Variants in MIOS observed in about 807,000 individuals in gnomAD.
The protein encoded by MIOS is meiosis regulator for oocyte development.
A neutral mutation model predicts 96.9 loss-of-function variants in MIOS; 52 were observed. That is an observed-to-expected ratio of 0.54 (90% CI 0.43 to 0.68). The LOEUF (loss-of-function observed/expected upper bound fraction) is 0.68, where lower values mean the gene tolerates loss of function less well. Ranked by LOEUF, MIOS falls within the 30% of genes least tolerant of loss-of-function variation. The pLI is 0.00. For missense variants in MIOS, 1,005 were observed against 1,052.8 expected, an observed-to-expected ratio of 0.95 and a Z score of 0.63; for synonymous variants, 397 against 359.5, an observed-to-expected ratio of 1.10 and a Z score of -1.18.
intron 9 of MIOS, among the ~76,000 whole-genome samples, chr7:7,594,179 A>C (rs1361043020): frequency 6.6e-6 from 1 of 152,220 alleles, no homozygotes; most frequent in Admixed American, 6.5e-5. Flanking sequence ...AAGAGTAAGA[A>C]TAGACAGGTT....
intron 9 of MIOS, among the ~76,000 whole-genome samples, chr7:7,592,991 A>G (rs752849024): frequency 6.6e-6 from 1 of 152,138 alleles, no homozygotes; most frequent in African/African-American, 2.4e-5. Context: ...GTCAGACTCA[A>G]TCTCTGAACT....
chr7:7,573,793 G>T lies in MIOS; in HGVS notation c.1294+24G>T, dbSNP rs767213718. 2 of 1,540,706 alleles carry T rather than the reference G, an allele frequency of 1.3e-6. No individual in the cohort carries two copies. Among genetic ancestry groups the T allele is most frequent in the Admixed American group, 4.2e-5 (2 of 47,692 alleles). On this transcript the variant is annotated intron_variant, in intron 4 of 12. Coordinates refer to ENST00000340080, the MANE Select transcript of MIOS (RefSeq NM_019005.4). This position sits in a 1 kb window ranked among gnomAD's most constrained non-coding sequence, Gnocchi z 5.0. Reference sequence around the variant, plus strand: ...CTATATCCTTTTCATTGTGAATTTTGTGAGGTGAATCAGGTAGAAATGTTC... The same window carrying T: ...CTATATCCTTTTCATTGTGAATTTTTTGAGGTGAATCAGGTAGAAATGTTC...
In MIOS at chr7:7,572,363, C is replaced by A; in HGVS notation, c.-40-73C>A. ...CTTGAATAGAGAATTTTCTGACTTT[C>A]TGAATAGTTTATTCAACGTAAGAAT... is the stretch of plus-strand genomic sequence containing the variant. On this transcript the variant is annotated intron_variant, in intron 3 of 12. Transcript: ENST00000340080. This position sits in a 1 kb window ranked among gnomAD's most constrained non-coding sequence, Gnocchi z 4.8. 1 of 721,970 alleles carries A rather than the reference C, an allele frequency of 1.4e-6. No homozygotes were observed. Among genetic ancestry groups the A allele is most frequent in the South Asian group, 3.0e-5 (1 of 33,462 alleles). The allele number at this position is 721,970 out of a possible 1,614,324, so 44.7% of individuals were successfully genotyped here. A position where few individuals can be genotyped will look rare whatever the true frequency, so the allele number is the denominator to read the frequency against.
chr7:7,568,000 G>A (rs1783203139), intron 2 of MIOS, 26 bp from the exon 3 acceptor site: 2 of 148,448 alleles, frequency 1.3e-5, no homozygotes, highest in Admixed American at 1.3e-4. Flanking sequence ...AAATCATATG[G>A]CTCACACTGT....
rs190793228 is a variant in MIOS, at chr7:7,594,658, A to G, written c.2044-322A>G. ...AACCCAGAGGTTTTTAATTGCTGGG[A>G]CAAAGGGTATTCGTATCACTGTTTA... On this transcript the variant is annotated intron_variant, in intron 9 of 12. Transcript: ENST00000340080. Among the ~76,000 whole-genome samples the G allele has an allele frequency of 1.1e-3, 165 of 152,290 alleles. 1 individual carries two copies. The highest frequency in any genetic ancestry group is 2.0e-3 in the Non-Finnish European group (135 of 68,022).
chr7:7,585,734 C>G lies in MIOS; in HGVS notation c.1747C>G (p.Leu583Val). The G allele has an allele frequency of 6.2e-7, 1 of 1,612,558 alleles. No individual in the cohort carries two copies. Among genetic ancestry groups the G allele is most frequent in the Non-Finnish European group, 8.5e-7 (1 of 1,179,264 alleles). Residue 583 changes from leucine to valine, a missense_variant, in exon 7 of 13, where the codon CTA (leucine) becomes GTA (valine). Coordinates refer to ENST00000340080, the MANE Select transcript of MIOS (RefSeq NM_019005.4). ...REMCSTLRLQ[L>V]NNPYLCVMFA... The stretch of plus-strand genomic sequence containing the variant: ...AATGTGTAGCACACTGCGATTACAG[C>G]TAAATAACCCGTATTTGTGTGTCAT...
Position 7,572,589 on chromosome 7 carries a change from C to T in MIOS, c.114C>T (p.Leu38=). Residue 38 remains leucine (L), a synonymous_variant, in exon 4 of 13, where the codon CTC becomes CTT. Coordinates refer to ENST00000340080, the MANE Select transcript of MIOS (RefSeq NM_019005.4). This position sits in a 1 kb window ranked among gnomAD's most constrained non-coding sequence, Gnocchi z 4.8. ...YHVESTVNSE[L]KAGSLRLSED... is the part of the protein sequence containing the mutation. ...TGGAATCTACTGTGAATTCAGAACTCAAAGCTGGATCTTTACGTTTATCTG... is the reference window on the plus strand; with the variant it reads ...TGGAATCTACTGTGAATTCAGAACTTAAAGCTGGATCTTTACGTTTATCTG... 6.2e-7 allele frequency: 1 copy of T among 1,614,048 alleles called. No individual in the cohort carries two copies.
At chr7:7,591,524 C>T (rs1009018981) in intron 9 of MIOS, among the ~76,000 whole-genome samples, 4 of 152,062 alleles carry the variant, frequency 2.6e-5, no homozygotes, top group Non-Finnish European at 1.5e-5. Flanking sequence ...AAGTGATCTG[C>T]CCGCCCCGGC....
rs1409472486 is a variant in MIOS, at chr7:7,607,900, T to C, written c.*808T>C. On this transcript the variant is annotated 3_prime_UTR_variant, in exon 13 of 13. Coordinates refer to ENST00000340080, the MANE Select transcript of MIOS (RefSeq NM_019005.4). Reference sequence around the variant, plus strand: ...TGTCTTCAAAGGTTTTTCTCCATATTAATTTGTCATCTTATCCTCATCACC... The same window carrying C: ...TGTCTTCAAAGGTTTTTCTCCATATCAATTTGTCATCTTATCCTCATCACC... The C allele has an allele frequency of 6.6e-6, 1 of 152,180 alleles. No homozygotes were observed. Among genetic ancestry groups the C allele is most frequent in the Admixed American group, 6.6e-5 (1 of 15,242 alleles). The allele number at this position is 152,180 out of a possible 1,614,324, so 9.4% of individuals were successfully genotyped here. A position where few individuals can be genotyped will look rare whatever the true frequency, so the allele number is the denominator to read the frequency against.
Position 7,585,818 on chromosome 7 carries a change from G to GT in MIOS, c.1818+19dup, listed in dbSNP as rs1352553725. On this transcript the variant is annotated intron_variant, in intron 7 of 12. Transcript: ENST00000340080. ...CGATGGAGTTTTGGTAAGCTAACTTGTTTTTTAAGATCTTCCTTTGAATTA... is the reference window on the plus strand; with the variant it reads ...CGATGGAGTTTTGGTAAGCTAACTTGTTTTTTTAAGATCTTCCTTTGAATTA... 1.3e-6 allele frequency: 2 copies of GT among 1,583,986 alleles called. No homozygotes were observed. The highest frequency in any genetic ancestry group is 1.8e-5 in the Admixed American group (1 of 54,862).
Position 7,572,141 on chromosome 7 carries a change from A to C in MIOS, c.-40-295A>C, listed in dbSNP as rs950686770. ...CCACACTGAAGTTGTTATAACTCTGAAGTTAAGCTGAAGGTACTAGTAACA... is the reference window on the plus strand; with the variant it reads ...CCACACTGAAGTTGTTATAACTCTGCAGTTAAGCTGAAGGTACTAGTAACA... On this transcript the variant is annotated intron_variant, in intron 3 of 12. Coordinates refer to ENST00000340080, the MANE Select transcript of MIOS (RefSeq NM_019005.4). The surrounding 1 kb of genome is among the most constrained non-coding windows in gnomAD (Gnocchi z 4.8). Among the ~76,000 whole-genome samples the C allele has an allele frequency of 6.6e-6, 1 of 152,234 alleles. No homozygotes were observed. Among genetic ancestry groups the C allele is most frequent in the African/African-American group, 2.4e-5 (1 of 41,456 alleles).
At chr7:7,600,174 T>TG (rs1784328938) in intron 11 of MIOS, among the ~76,000 whole-genome samples, 1 of 134,138 alleles carries the variant, frequency 7.5e-6, no homozygotes, top group South Asian at 2.5e-4. Flanking sequence ...AAGTAAAAGT[T>TG]TAAAAAAAAG....
intron 11 of MIOS, chr7:7,605,298 T>TC (rs562985921): frequency 4.7e-5 from 1 of 21,448 alleles, no homozygotes; most frequent in Non-Finnish European, 1.5e-4. Context: ...CCTTGATAGA[T>TC]TTTTTTTTTT....
In MIOS at chr7:7,607,369, T is replaced by C. The variant is rs1443248312; in HGVS notation, c.*277T>C. 2 of 245,826 alleles carry C rather than the reference T, an allele frequency of 8.1e-6. No homozygotes were observed. Among genetic ancestry groups the C allele is most frequent in the East Asian group, 2.0e-4 (2 of 10,084 alleles). 15.2% of individuals were successfully genotyped at this position (245,826 alleles called of 1,614,324 possible). Reference sequence around the variant, plus strand: ...ACTTTCTAAGTTTTGGTTGAAATTATGAACACTCTAGAAGCAGAATTTCTG... The same window carrying C: ...ACTTTCTAAGTTTTGGTTGAAATTACGAACACTCTAGAAGCAGAATTTCTG... On this transcript the variant is annotated 3_prime_UTR_variant, in exon 13 of 13. Coordinates refer to ENST00000340080, the MANE Select transcript of MIOS (RefSeq NM_019005.4).
intron 12 of MIOS, 68 bp from the exon 13 acceptor site, chr7:7,606,928 T>A (rs1018441966): frequency 1.2e-5 from 14 of 1,179,826 alleles, no homozygotes; most frequent in African/African-American, 4.7e-5. Flanking sequence ...TCTTAAAAAA[T>A]AAATAAATAA....
In MIOS at chr7:7,583,186, G is replaced by A. The variant is rs1783784491; in HGVS notation, c.1462G>A (p.Glu488Lys). 1 of 1,614,146 alleles carries A rather than the reference G, an allele frequency of 6.2e-7. No individual in the cohort carries two copies. The highest frequency in any genetic ancestry group is 8.5e-7 in the Non-Finnish European group (1 of 1,180,002). The change falls in exon 6 of 13, where the codon GAA becomes AAA. Residue 488 changes from glutamate to lysine, a missense_variant. By Grantham distance (56) the Glu-to-Lys change is moderately conservative. This residue lies in a region of MIOS where 865 missense variants were observed against 887.9 expected (regional missense o/e 0.97). Transcript: ENST00000340080. ...DKQSDIQNLNEERILALQLCG... is the reference protein window; with the variant it reads ...DKQSDIQNLNKERILALQLCG... ...GCAAAGTGATATTCAAAATTTAAAT[G>A]AAGAGAGAATCTTAGCTTTACAGCT...
At chr7:7,586,942 T>G (rs1345249818) in intron 7 of MIOS, among the ~76,000 whole-genome samples, 3 of 151,918 alleles carry the variant, frequency 2.0e-5, no homozygotes, top group Non-Finnish European at 4.4e-5. Context: ...AATATTAAAT[T>G]TCTGCATTTT....
In MIOS at chr7:7,597,629, C is replaced by A. The variant is rs146622119; in HGVS notation, c.2401+1168C>A. 3.6e-3 allele frequency among the ~76,000 whole-genome samples: 546 copies of A among 150,848 alleles called. 3 individuals carry two copies. Among genetic ancestry groups the A allele is most frequent in the Non-Finnish European group, 6.0e-3 (407 of 67,644 alleles). On this transcript the variant is annotated intron_variant, in intron 11 of 12. Transcript: ENST00000340080. ...ACCACTCTTTTATGTTACTCTGGTC[C>A]TAATAAACAGAAAATAACAATTTGG...
At chr7:7,597,053 A>G (rs1480090679) in intron 11 of MIOS, among the ~76,000 whole-genome samples, 2 of 152,060 alleles carry the variant, frequency 1.3e-5, no homozygotes, top group Non-Finnish European at 2.9e-5. Context: ...TTGGCCGGAC[A>G]TGGTGGCTCA....
Sources: allele counts gnomAD v4.1 joint callset (sites outside exome capture counted in the v4.1 genomes callset), GRCh38; gene constraint gnomAD v4.1.1; regional missense constraint gnomAD v4.1.1; non-coding constraint Gnocchi (gnomAD v3.1); transcripts MANE v1.5; gene names NCBI Gene and HGNC (gene_info 2026-07-23, HGNC 2026-07-21).